SGCD: variants seen among roughly 807,000 people sequenced by gnomAD.
The protein encoded by SGCD is sarcoglycan delta.
A neutral mutation model predicts 36.6 loss-of-function variants in SGCD; 18 were observed. The observed-to-expected ratio is 0.49, with a 90% CI of 0.34 to 0.73. SGCD has a LOEUF of 0.73. Ranked by LOEUF, SGCD falls within the 30% of genes least tolerant of loss-of-function variation. The pLI is 0.01. For missense variants in SGCD, 387 were observed against 346.7 expected (o/e 1.12, Z -0.92); for synonymous variants, 133 against 130.6 (o/e 1.02, Z -0.12).
intron 3 of SGCD, among the ~76,000 whole-genome samples, chr5:156,484,437 C>T (rs1471556506): frequency 6.6e-6 from 1 of 152,136 alleles, no homozygotes; most frequent in Admixed American, 6.5e-5. Context: ...AGAGCACAAC[C>T]GGCATTTACG....
intron 3 of SGCD, among the ~76,000 whole-genome samples, chr5:156,218,130 C>T (rs938853973): frequency 2.0e-5 from 3 of 151,832 alleles, no homozygotes; most frequent in East Asian, 3.9e-4. Flanking sequence ...AAAAATTAGT[C>T]GGGCATGGTG....
intron 1 of SGCD, among the ~76,000 whole-genome samples, chr5:156,100,906 C>T (rs1761502614): frequency 6.6e-6 from 1 of 152,156 alleles, no homozygotes; most frequent in Non-Finnish European, 1.5e-5. Context: ...GCCCTCCCCA[C>T]ATTTACATGT....
At chr5:156,041,079 C>A (rs1363464953) in intron 1 of SGCD, among the ~76,000 whole-genome samples, 1 of 152,198 alleles carries the variant, frequency 6.6e-6, no homozygotes, top group African/African-American at 2.4e-5. Flanking sequence ...CAGTATCCTT[C>A]CCAGCATCAG....
intron 3 of SGCD, among the ~76,000 whole-genome samples, chr5:156,199,770 A>G (rs1359715287): frequency 6.6e-6 from 1 of 152,120 alleles, no homozygotes; most frequent in Non-Finnish European, 1.5e-5. Flanking sequence ...CAGCATTTCC[A>G]GTGTCAGACA....
chr5:156,348,827 C>T (rs939572851), intron 3 of SGCD, among the ~76,000 whole-genome samples: 10 of 152,014 alleles, frequency 6.6e-5, no homozygotes, highest in Admixed American at 4.6e-4. Context: ...AATCTGAAGG[C>T]ATCACATTAC....
At chr5:156,588,987 A>AC (rs1760606067) in intron 4 of SGCD, among the ~76,000 whole-genome samples, 1 of 114,662 alleles carries the variant, frequency 8.7e-6, no homozygotes, top group African/African-American at 4.1e-5. Context: ...GGGAATCTAT[A>AC]TTGTGTGTGT....
chr5:156,211,050 G>A (rs1764427187), intron 3 of SGCD, among the ~76,000 whole-genome samples: 1 of 151,896 alleles, frequency 6.6e-6, no homozygotes, highest in South Asian at 2.1e-4. Flanking sequence ...CCTAAAAGCA[G>A]CAAGAGAAAG....
At chr5:156,512,722 G>A (rs966716015) in intron 4 of SGCD, among the ~76,000 whole-genome samples, 2 of 151,972 alleles carry the variant, frequency 1.3e-5, no homozygotes, top group South Asian at 2.1e-4. Context: ...GAATGTATCC[G>A]TCACCCCTGA....
chr5:155,892,893 G>A (rs1403036236), intron 1 of SGCD, among the ~76,000 whole-genome samples: 2 of 152,218 alleles, frequency 1.3e-5, no homozygotes, highest in African/African-American at 4.8e-5. Flanking sequence ...CTCATATGTG[G>A]AATCTAAAAG....
At chr5:155,893,783 C>T (rs888326486) in intron 1 of SGCD, among the ~76,000 whole-genome samples, 13 of 152,334 alleles carry the variant, frequency 8.5e-5, no homozygotes, top group East Asian at 3.9e-4. Context: ...TAGATAATTT[C>T]GTTGTTGTGC....
intron 3 of SGCD, among the ~76,000 whole-genome samples, chr5:156,470,208 C>T (rs749254054): frequency 2.2e-4 from 33 of 152,046 alleles, no homozygotes; most frequent in Non-Finnish European, 3.2e-4. Flanking sequence ...TATAAAAATA[C>T]TTGTATATTC....
At chr5:156,603,191 T>G (rs1203832435) in intron 6 of SGCD, among the ~76,000 whole-genome samples, 1 of 152,064 alleles carries the variant, frequency 6.6e-6, no homozygotes, top group East Asian at 1.9e-4. Context: ...GTCCAAGAAT[T>G]TATCCATTTC....
intron 4 of SGCD, among the ~76,000 whole-genome samples, chr5:156,512,703 C>T (rs900653903): frequency 2.4e-4 from 36 of 152,190 alleles, no homozygotes; most frequent in African/African-American, 8.0e-4. Flanking sequence ...CCACCACAAT[C>T]GAGATAACGA....
chr5:156,243,299 G>A (rs1765351787), intron 3 of SGCD, among the ~76,000 whole-genome samples: 1 of 152,228 alleles, frequency 6.6e-6, no homozygotes, highest in Non-Finnish European at 1.5e-5. Flanking sequence ...GCAGTAGCTA[G>A]ATGTGGGATG....
At position 156,133,740 on chromosome 5, in the gene SGCD, C is replaced by G. The variant is rs146005829; in HGVS notation, c.-44+9721C>G. Among the ~76,000 whole-genome samples the G allele has an allele frequency of 3.9e-4, 60 of 152,068 alleles. 1 individual carries two copies. In the East Asian group the frequency reaches 8.7e-3, roughly 22 times the overall value. Reference sequence around the variant, plus strand: ...ATAGTTACTGTTTTAGGAATAGTCTCTTTTTGACAGTTACTGAAAAAAAGA... The same window carrying G: ...ATAGTTACTGTTTTAGGAATAGTCTGTTTTTGACAGTTACTGAAAAAAAGA... On this transcript the variant is annotated intron_variant, in intron 3 of 9. Transcript: ENST00000517913.
intron 3 of SGCD, among the ~76,000 whole-genome samples, chr5:156,390,752 C>T (rs747189645): frequency 2.6e-5 from 4 of 151,640 alleles, no homozygotes; most frequent in Non-Finnish European, 5.9e-5. Context: ...AAGTTTAATG[C>T]ATATGAAAAA....
At chr5:156,393,282 C>A (rs1771678402) in intron 3 of SGCD, among the ~76,000 whole-genome samples, 1 of 152,182 alleles carries the variant, frequency 6.6e-6, no homozygotes, top group South Asian at 2.1e-4. Flanking sequence ...TCACAAGAAT[C>A]CTATAGACTA....
chr5:156,181,482 G>A (rs1450287597), intron 3 of SGCD, among the ~76,000 whole-genome samples: 1 of 152,022 alleles, frequency 6.6e-6, no homozygotes, highest in African/African-American at 2.4e-5. Context: ...AAGGAGAAGG[G>A]GACAATTACA....
intron 3 of SGCD, among the ~76,000 whole-genome samples, chr5:156,453,830 AC>A (rs1754133966): frequency 1.3e-5 from 2 of 152,204 alleles, no homozygotes; most frequent in African/African-American, 4.8e-5. Flanking sequence ...ATTAATCTCC[AC>A]ACCATTACAC....
Sources: gnomAD v4.1 joint callset for allele counts (sites outside exome capture counted in the v4.1 genomes callset) on GRCh38, gnomAD v4.1.1 for gene constraint, MANE v1.5 for transcripts, NCBI Gene and HGNC (gene_info 2026-07-23, HGNC 2026-07-21) for gene names.